SZT2: variants seen among roughly 807,000 people sequenced by gnomAD.
SZT2 encodes KICSTOR complex protein SZT2.
Under a neutral mutation model 404.2 loss-of-function variants are expected in SZT2, and 216 were observed. The ratio of observed to expected loss-of-function variants is 0.53; its 90% CI spans 0.48 to 0.60. The LOEUF is 0.60. Ranked by LOEUF, SZT2 falls within the 20% of genes least tolerant of loss-of-function variation. The pLI is 0.00. For synonymous variants in SZT2, 1,693 were observed against 1,749.9 expected, an observed-to-expected ratio of 0.97 and a Z score of 0.81; for missense variants, 3,857 against 4,459.2, an observed-to-expected ratio of 0.86 and a Z score of 3.85.
chr1:43,443,697 T>G lies in SZT2; in HGVS notation c.8726T>G (p.Leu2909Arg). Residue 2909 changes from leucine to arginine, a missense_variant, in exon 62 of 72, where the codon CTG becomes CGG. Physicochemically the swap from Leu to Arg is moderately radical, Grantham distance 102. This residue lies in a region of SZT2 where 717 missense variants were observed against 868.2 expected (regional missense o/e 0.83). Coordinates refer to ENST00000634258, the MANE Select transcript of SZT2 (RefSeq NM_001365999.1). ...CCGGGAGCCCGTGAGGAGCCTTGGCTGAAGGAGCTGAGCTTGGCTTTCCTG... is the reference window on the plus strand; with the variant it reads ...CCGGGAGCCCGTGAGGAGCCTTGGCGGAAGGAGCTGAGCTTGGCTTTCCTG... Reference protein sequence around the residue: ...SPPGAREEPWLKELSLAFLQQ... With the variant: ...SPPGAREEPWRKELSLAFLQQ... 1 of 1,614,258 alleles carries G rather than the reference T, an allele frequency of 6.2e-7. No homozygotes were observed. Among genetic ancestry groups the G allele is most frequent in the Non-Finnish European group, 8.5e-7 (1 of 1,180,050 alleles).
chr1:43,431,853 A>G lies in SZT2; in HGVS notation c.5226A>G (p.Pro1742=). ...GRSTCLRQTL[P]LSFVFGPERS... ...CCACCTGCCTTCGCCAAACTCTGCC[A>G]CTGAGTTTTGTATTTGGGCCAGAGC... The change falls in exon 36 of 72, where the codon CCA becomes CCG. Residue 1742 remains proline (P), a synonymous_variant. Transcript: ENST00000634258. 1 of 1,614,196 alleles carries G rather than the reference A, an allele frequency of 6.2e-7. No homozygotes were observed. The highest frequency in any genetic ancestry group is 8.5e-7 in the Non-Finnish European group (1 of 1,180,026).
chr1:43,398,931 A>G (rs1234301270), intron 1 of SZT2, among the ~76,000 whole-genome samples: 3 of 152,050 alleles, frequency 2.0e-5, no homozygotes, highest in African/African-American at 7.2e-5. Flanking sequence ...AATACAAAAA[A>G]TAGCCAGGCA....
chr1:43,422,471 T>G lies in SZT2; in HGVS notation c.1770-9T>G. ...GAGGTCTAACCTCAGTCCACACCCC[T>G]CTTCCTAGACCAATCCCCAAGCACT... On this transcript the variant is annotated splice_polypyrimidine_tract_variant and intron_variant, in intron 12 of 71. Transcript: ENST00000634258. 1.3e-6 allele frequency: 2 copies of G among 1,572,490 alleles called. No individual in the cohort carries two copies. Among genetic ancestry groups the G allele is most frequent in the Non-Finnish European group, 1.7e-6 (2 of 1,166,404 alleles).
Position 43,437,631 on chromosome 1 carries a change from A to G in SZT2, c.6327A>G (p.Lys2109=), listed in dbSNP as rs1323341232. The change falls in exon 45 of 72, where the codon AAA becomes AAG. Residue 2109 remains lysine, a synonymous_variant. Transcript: ENST00000634258. The surrounding 1 kb of genome is among the most constrained non-coding windows in gnomAD (Gnocchi z 5.3). ...LETSCSDRPW[K]GDALPPSLAL... is the part of the protein sequence containing the mutation. The stretch of plus-strand genomic sequence containing the variant: ...CATCCTGCAGTGACCGGCCATGGAA[A>G]GGGGATGCGCTGCCCCCTTCCCTCG... 4 of 1,613,974 alleles carry G rather than the reference A, an allele frequency of 2.5e-6. No individual in the cohort carries two copies. Among genetic ancestry groups the G allele is most frequent in the Non-Finnish European group, 3.4e-6 (4 of 1,180,028 alleles).
chr1:43,440,344 G>T, intron 51 of SZT2, 109 bp from the exon 52 acceptor site: 1 of 1,454,328 alleles, frequency 6.9e-7, no homozygotes, highest in South Asian at 1.4e-5. Context: ...GTCATTCACT[G>T]ACAGGTAGAA....
In SZT2 at chr1:43,442,252, C is replaced by G. The variant is rs72883828; in HGVS notation, c.7874-16C>G. Reference sequence around the variant, plus strand: ...CTGTTCCCAGGCCCCTATTGTGCCCCTCCCCCACCCTGTAGCTGCCAAAGC... The same window carrying G: ...CTGTTCCCAGGCCCCTATTGTGCCCGTCCCCCACCCTGTAGCTGCCAAAGC... On this transcript the variant is annotated splice_polypyrimidine_tract_variant and intron_variant, in intron 56 of 71. Transcript: ENST00000634258. This position sits in a 1 kb window ranked among gnomAD's most constrained non-coding sequence, Gnocchi z 4.5. 2,205 of 1,609,406 alleles carry G rather than the reference C, an allele frequency of 1.4e-3. 23 individuals carry two copies. In the African/African-American group the frequency reaches 0.026, roughly 19 times the overall value.
intron 1 of SZT2, among the ~76,000 whole-genome samples, chr1:43,402,430 C>T (rs956825649): frequency 1.3e-5 from 2 of 152,184 alleles, no homozygotes; most frequent in African/African-American, 4.8e-5. Context: ...TAAAGGCCTG[C>T]TAGAGTGGGC....
At position 43,451,568 on chromosome 1, in the gene SZT2, T is replaced by TGGGGTCC. The variant is rs767066364; in HGVS notation, c.*1089_*1095dup. 4.7e-5 allele frequency: 76 copies of TGGGGTCC among 1,613,180 alleles called. No individual in the cohort carries two copies. The African/African-American group carries it at 8.4e-4, about 18-fold the overall frequency. ...CCCTGGGGACAGATGTGGACAAATG[T>TGGGGTCC]GGGGTCCAGGCTCCTGCCAGGGCCT... is the stretch of plus-strand genomic sequence containing the variant. On this transcript the variant is annotated 3_prime_UTR_variant, in exon 72 of 72. Coordinates refer to ENST00000634258, the MANE Select transcript of SZT2 (RefSeq NM_001365999.1).
rs1160627372 is a variant in SZT2, at chr1:43,437,785, C to G, written c.6397-6C>G. 6.2e-7 allele frequency: 1 copy of G among 1,614,170 alleles called. No individual in the cohort carries two copies. The highest frequency in any genetic ancestry group is 8.5e-7 in the Non-Finnish European group (1 of 1,180,044). On this transcript the variant is annotated splice_region_variant and splice_polypyrimidine_tract_variant and intron_variant, in intron 45 of 71. Coordinates refer to ENST00000634258, the MANE Select transcript of SZT2 (RefSeq NM_001365999.1). The surrounding 1 kb of genome is among the most constrained non-coding windows in gnomAD (Gnocchi z 5.3). The stretch of plus-strand genomic sequence containing the variant: ...ACCGGGGCCCTGACCACAGTTTTCC[C>G]TGTAGGGTCCTCGTTCTCCCTTAGA...
rs768933009 is a variant in SZT2 at position 43,441,539 on chromosome 1, G to A, written c.7547G>A (p.Gly2516Glu). The change falls in exon 54 of 72, where the codon GGG (glycine) becomes GAG (glutamate). Residue 2516 changes from glycine (G) to glutamate (E), a missense_variant. Around this residue, in one of 7 missense-constraint regions of SZT2, gnomAD observed 573 missense variants for 592.4 expected, o/e 0.97. Coordinates refer to ENST00000634258, the MANE Select transcript of SZT2 (RefSeq NM_001365999.1). This position sits in a 1 kb window ranked among gnomAD's most constrained non-coding sequence, Gnocchi z 4.8. The part of the protein sequence containing the change: ...RTTQLEEGEV[G>E]TLHPVFARVA... ...ACACAGCTAGAAGAGGGTGAGGTGG[G>A]GACCCTTCATCCTGTGTTTGCCCGT... The A allele has an allele frequency of 3.7e-6, 6 of 1,614,018 alleles. No homozygotes were observed. In the East Asian group the frequency reaches 8.9e-5, roughly 24 times the overall value.
In SZT2 at chr1:43,393,447, G is replaced by A. The variant is rs769197626; in HGVS notation, c.27+3452G>A. On this transcript the variant is annotated intron_variant, in intron 1 of 71. Transcript: ENST00000634258. ...AACTATATAGTTAATAATCAGCAGA[G>A]CAAGCATTTGATCCTAAGTGCTCTA... Among the ~76,000 whole-genome samples, 35 of 152,208 alleles carry A rather than the reference G, an allele frequency of 2.3e-4. 1 individual carries two copies. The highest frequency in any genetic ancestry group is 4.0e-4 in the Non-Finnish European group (27 of 68,028).
At position 43,432,378 on chromosome 1, in the gene SZT2, C is replaced by G. The variant is rs1654000831; in HGVS notation, c.5381C>G (p.Pro1794Arg). ...CAGCCAGGTGGGTCCCATGGGGAGCCTTCTTCAGCGGCCTGGGCTTGGCAC... is the reference window on the plus strand; with the variant it reads ...CAGCCAGGTGGGTCCCATGGGGAGCGTTCTTCAGCGGCCTGGGCTTGGCAC... ...GQQPGGSHGE[P>R]SSAAWAWHSH... is the part of the protein sequence containing the mutation. Residue 1794 changes from proline (P) to arginine (R), a missense_variant, in exon 37 of 72, where the codon CCT becomes CGT. Around this residue, in one of 7 missense-constraint regions of SZT2, gnomAD observed 1,725 missense variants for 1,881.0 expected, o/e 0.92. Coordinates refer to ENST00000634258, the MANE Select transcript of SZT2 (RefSeq NM_001365999.1). The G allele has an allele frequency of 1.2e-6, 2 of 1,603,130 alleles. No individual in the cohort carries two copies. Among genetic ancestry groups the G allele is most frequent in the South Asian group, 1.1e-5 (1 of 89,380 alleles).
chr1:43,452,274 T>TATTC lies in SZT2; in HGVS notation c.*1795_*1798dup, dbSNP rs1656523394. 1 of 1,614,140 alleles carries TATTC rather than the reference T, an allele frequency of 6.2e-7. No homozygotes were observed. The highest frequency in any genetic ancestry group is 1.3e-5 in the African/African-American group (1 of 75,060). ...CGGCCTCCATCTCAGCCTTGACTGCTATTCGATCAGCTCCCTGGGGTACTC... is the reference window on the plus strand; with the variant it reads ...CGGCCTCCATCTCAGCCTTGACTGCTATTCATTCGATCAGCTCCCTGGGGTACTC... On this transcript the variant is annotated 3_prime_UTR_variant, in exon 72 of 72. Transcript: ENST00000634258.
At position 43,452,242 on chromosome 1, in the gene SZT2, A is replaced by C; in HGVS notation, c.*1762A>C. 1 of 1,613,960 alleles carries C rather than the reference A, an allele frequency of 6.2e-7. No homozygotes were observed. Among genetic ancestry groups the C allele is most frequent in the South Asian group, 1.1e-5 (1 of 91,038 alleles). On this transcript the variant is annotated 3_prime_UTR_variant, in exon 72 of 72. Coordinates refer to ENST00000634258, the MANE Select transcript of SZT2 (RefSeq NM_001365999.1). ...CCCAGCTGCATGCCTCAGGTTCTCC[A>C]GAAAAACGGCCTCCATCTCAGCCTT...
At position 43,403,767 on chromosome 1, in the gene SZT2, G is replaced by A. The variant is rs1649966947; in HGVS notation, c.320G>A (p.Gly107Asp). 1.2e-6 allele frequency: 2 copies of A among 1,614,088 alleles called. No homozygotes were observed. The highest frequency in any genetic ancestry group is 4.5e-5 in the East Asian group (2 of 44,880). The change falls in exon 3 of 72, where the codon GGC becomes GAC. Residue 107 changes from glycine (G) to aspartate (D), a missense_variant. Gly to Asp is a moderately conservative substitution (Grantham distance 94). Transcript: ENST00000634258. ...GAGTTGGACCTTAGCCCATCTACTGGCATTGTGGTAAAGGATTGAAGGGAG... is the reference window on the plus strand; with the variant it reads ...GAGTTGGACCTTAGCCCATCTACTGACATTGTGGTAAAGGATTGAAGGGAG... Reference protein sequence around the residue: ...VIELDLSPSTGIVDDSTGEIL... With the variant: ...VIELDLSPSTDIVDDSTGEIL...
In SZT2 at chr1:43,432,302, GTTC is replaced by G. The variant is rs1653988988; in HGVS notation, c.5311_5313del (p.Leu1771del). The G allele has an allele frequency of 2.5e-6, 4 of 1,585,418 alleles. No individual in the cohort carries two copies. The highest frequency in any genetic ancestry group is 1.7e-6 in the Non-Finnish European group (2 of 1,167,672). ...CCGCCGCCTCCATCTCCCTGGCCAT[GTTC>G]TTCTTGAAGACCCTGACAGTGGCTT... On this transcript the variant is annotated inframe_deletion, in exon 37 of 72. Coordinates refer to ENST00000634258, the MANE Select transcript of SZT2 (RefSeq NM_001365999.1).
At position 43,427,053 on chromosome 1, in the gene SZT2, C is replaced by A; in HGVS notation, c.3310-3C>A. 1 of 1,614,094 alleles carries A rather than the reference C, an allele frequency of 6.2e-7. No homozygotes were observed. ...TGCTCTAATTTCTGTTTTTCTCTTACAGAGTGTAGGTCTTCCTGAAACTCT... is the reference window on the plus strand; with the variant it reads ...TGCTCTAATTTCTGTTTTTCTCTTAAAGAGTGTAGGTCTTCCTGAAACTCT... On this transcript the variant is annotated splice_polypyrimidine_tract_variant and splice_region_variant and intron_variant, in intron 23 of 71. Transcript: ENST00000634258.
Position 43,442,892 on chromosome 1 carries a change from G to A in SZT2, c.8225G>A (p.Arg2742His), listed in dbSNP as rs763615703. The A allele has an allele frequency of 9.9e-6, 16 of 1,613,930 alleles. No individual in the cohort carries two copies. The Admixed American group carries it at 1.0e-4, about 10-fold the overall frequency. The change falls in exon 59 of 72, where the codon CGT (arginine) becomes CAT (histidine). Residue 2742 changes from arginine (R) to histidine (H), a missense_variant. This residue lies in a region of SZT2 where 573 missense variants were observed against 592.4 expected (regional missense o/e 0.97). Transcript: ENST00000634258. This position sits in a 1 kb window ranked among gnomAD's most constrained non-coding sequence, Gnocchi z 4.5. ...LIRSASPPLS[R>H]EQGRLSGSSR... The stretch of plus-strand genomic sequence containing the variant: ...CGGAGTGCAAGTCCCCCGCTGAGCC[G>A]TGAGCAGGGCCGACTGAGTGGGTCC...
intron 62 of SZT2, among the ~76,000 whole-genome samples, chr1:43,444,818 C>A (rs140464788): frequency 6.6e-6 from 1 of 152,346 alleles, no homozygotes; most frequent in Admixed American, 6.5e-5. Context: ...TTACACATAG[C>A]TACTTTCGTG....
Sources: allele counts gnomAD v4.1 joint callset (sites outside exome capture counted in the v4.1 genomes callset), GRCh38; gene constraint gnomAD v4.1.1; regional missense constraint gnomAD v4.1.1; non-coding constraint Gnocchi (gnomAD v3.1); transcripts MANE v1.5; gene names NCBI Gene and HGNC (gene_info 2026-07-23, HGNC 2026-07-21).